NUP214: variants seen among roughly 807,000 people sequenced by gnomAD.
NUP214 encodes the protein nuclear pore complex protein Nup214.
Under a neutral mutation model 196.2 loss-of-function variants are expected in NUP214, and 79 were observed. The ratio of observed to expected loss-of-function variants is 0.40; its 90% CI spans 0.34 to 0.49. The LOEUF is 0.49. Among genes scored for constraint, NUP214 ranks in the 20% least tolerant of loss-of-function variants. NUP214 has a pLI of 0.58. For missense variants in NUP214, 2,468 were observed against 2,539.0 expected (o/e 0.97, Z 0.60); for synonymous variants, 1,020 against 990.5 (o/e 1.03, Z -0.56).
chr9:131,234,207 AGAAGAC>A lies in NUP214; in HGVS notation c.*721_*726del, dbSNP rs1463693656. The A allele has an allele frequency of 4.3e-6, 1 of 233,072 alleles. No individual in the cohort carries two copies. The highest frequency in any genetic ancestry group is 8.5e-6 in the Non-Finnish European group (1 of 118,054). The allele number at this position is 233,072 out of a possible 1,614,324, so 14.4% of individuals were successfully genotyped here. A position where few individuals can be genotyped will look rare whatever the true frequency, so the allele number is the denominator to read the frequency against. On this transcript the variant is annotated 3_prime_UTR_variant, in exon 36 of 36. Coordinates refer to ENST00000359428, the MANE Select transcript of NUP214 (RefSeq NM_005085.4). ...CAGAGAGGAGGGGGCCGGTCACTTG[AGAAGAC>A]AGCCTTTATATTCTGTATGTGGCAG...
At chr9:131,170,639 T>C (rs1021622631) in intron 21 of NUP214, among the ~76,000 whole-genome samples, 1 of 152,188 alleles carries the variant, frequency 6.6e-6, no homozygotes, top group South Asian at 2.1e-4. Flanking sequence ...AGAAATACCA[T>C]TGATTTATGT....
intron 16 of NUP214, among the ~76,000 whole-genome samples, chr9:131,151,211 T>TA (rs1202143011): frequency 6.6e-6 from 1 of 152,260 alleles, no homozygotes; most frequent in East Asian, 1.9e-4. Context: ...TATTACTACT[T>TA]ACTGTGTGCC....
At chr9:131,159,877 A>G (rs1052874072) in intron 18 of NUP214, among the ~76,000 whole-genome samples, 10 of 151,880 alleles carry the variant, frequency 6.6e-5, no homozygotes, top group Non-Finnish European at 7.4e-5. Flanking sequence ...AAAAACAAGA[A>G]AGAGAAAATC....
chr9:131,139,088 T>A (rs2274428), intron 9 of NUP214, among the ~76,000 whole-genome samples, 193 bp from the exon 10 acceptor site: 1 of 151,934 alleles, frequency 6.6e-6, no homozygotes, highest in Non-Finnish European at 1.5e-5. Context: ...TCCCATTTGC[T>A]GGGGTACTTC....
chr9:131,175,471 G>C lies in NUP214; in HGVS notation c.3169G>C (p.Ala1057Pro), dbSNP rs1833088526. ...TCTTTTCCTCTTAGTGGCTACATCTGCTAGCAAAATTATTCCTCAAGGGGC... is the reference window on the plus strand; with the variant it reads ...TCTTTTCCTCTTAGTGGCTACATCTCCTAGCAAAATTATTCCTCAAGGGGC... ...GVMGTSVATSASKIIPQGADS... is the reference protein window; with the variant it reads ...GVMGTSVATSPSKIIPQGADS... The change falls in exon 23 of 36, where the codon GCT becomes CCT. Residue 1057 changes from alanine (A) to proline (P), a missense_variant. By Grantham distance (27) the Ala-to-Pro change is conservative. Transcript: ENST00000359428. The C allele has an allele frequency of 6.2e-7, 1 of 1,613,924 alleles. No individual in the cohort carries two copies. Among genetic ancestry groups the C allele is most frequent in the African/African-American group, 1.3e-5 (1 of 74,896 alleles).
chr9:131,153,300 A>G (rs1213377008), intron 17 of NUP214: 2 of 151,876 alleles, frequency 1.3e-5, no homozygotes, highest in African/African-American at 2.4e-5. Flanking sequence ...TGAGGCCTCA[A>G]ACTTTATTGT....
Position 131,167,665 on chromosome 9 carries a change from G to A in NUP214, c.2893+3521G>A, listed in dbSNP as rs150746620. On this transcript the variant is annotated intron_variant, in intron 21 of 35. Coordinates refer to ENST00000359428, the MANE Select transcript of NUP214 (RefSeq NM_005085.4). ...GGTCTTTTTTCTTTTAACTATTCTG[G>A]TAGGACTCTTTTGTAAAATGTTTTA... Among the ~76,000 whole-genome samples the A allele has an allele frequency of 2.0e-5, 3 of 152,176 alleles. No individual in the cohort carries two copies. In the East Asian group the frequency reaches 5.8e-4, roughly 29 times the overall value.
Position 131,187,331 on chromosome 9 carries a change from G to A in NUP214, c.3462G>A (p.Val1154=), listed in dbSNP as rs1833479712. ...CCACAGCCAAAACACCTCACCCAGT[G>A]TTGACCCCAGTGGCTGCTAACCAAG... is the stretch of plus-strand genomic sequence containing the variant. ...PYSTAKTPHP[V]LTPVAANQAK... Residue 1154 remains valine, a synonymous_variant, in exon 25 of 36, where the codon GTG becomes GTA. Transcript: ENST00000359428. 2 of 1,609,420 alleles carry A rather than the reference G, an allele frequency of 1.2e-6. No homozygotes were observed. The highest frequency in any genetic ancestry group is 3.4e-5 in the Admixed American group (2 of 59,674).
chr9:131,144,208 C>T lies in NUP214; in HGVS notation c.1295-72C>T, dbSNP rs191638232. The T allele has an allele frequency of 3.5e-5, 42 of 1,208,162 alleles. No individual in the cohort carries two copies. In the East Asian group the frequency reaches 5.1e-4, roughly 15 times the overall value. 74.8% of individuals were successfully genotyped at this position (1,208,162 alleles called of 1,614,324 possible). A position where few individuals can be genotyped will look rare whatever the true frequency, so the allele number is the denominator to read the frequency against. ...CTTTATTCTACCACAAATTCTTTTT[C>T]ACTTGCTTTCTATTATGTGAACCTC... On this transcript the variant is annotated intron_variant, in intron 11 of 35. Transcript: ENST00000359428.
At chr9:131,134,839 C>T (rs1831669493) in intron 7 of NUP214, 59 bp from the exon 8 acceptor site, 1 of 995,098 alleles carries the variant, frequency 1.0e-6, no homozygotes, top group Non-Finnish European at 1.6e-6. Context: ...GATTCTTTTG[C>T]TGTGGGATCT....
chr9:131,133,181 C>T lies in NUP214; in HGVS notation c.803C>T (p.Ser268Phe), dbSNP rs757626774. Residue 268 changes from serine to phenylalanine, a missense_variant, in exon 7 of 36, where the codon TCT becomes TTT. Physicochemically the swap from Ser to Phe is radical, Grantham distance 155. Around this residue, in one of 5 missense-constraint regions of NUP214, gnomAD observed 392 missense variants for 417.9 expected, o/e 0.94. Coordinates refer to ENST00000359428, the MANE Select transcript of NUP214 (RefSeq NM_005085.4). ...GCTGCAGATGGGACCCTGGAAACGT[C>T]TCCAGATGTGGTGATGGCTCTACTA... The part of the protein sequence containing the change: ...YAAADGTLET[S>F]PDVVMALLPK... 6.3e-7 allele frequency: 1 copy of T among 1,591,602 alleles called. No individual in the cohort carries two copies. Among genetic ancestry groups the T allele is most frequent in the Non-Finnish European group, 8.5e-7 (1 of 1,172,636 alleles).
chr9:131,148,256 A>G (rs1449301399), intron 14 of NUP214, among the ~76,000 whole-genome samples: 3 of 152,184 alleles, frequency 2.0e-5, no homozygotes, highest in Admixed American at 2.0e-4. Flanking sequence ...TTTGTACAGT[A>G]TGTATTCTTG....
At chr9:131,213,596 A>T (rs538707437) in intron 30 of NUP214, among the ~76,000 whole-genome samples, 238 of 152,338 alleles carry the variant, frequency 1.6e-3, no homozygotes, top group Middle Eastern at 3.4e-3. Context: ...TCAGCTAAGC[A>T]GTCAAATACC....
At chr9:131,175,402 C>G in intron 22 of NUP214, 58 bp from the exon 23 acceptor site, 1 of 1,584,044 alleles carries the variant, frequency 6.3e-7, no homozygotes, top group African/African-American at 1.3e-5. Flanking sequence ...ACCAATTTAA[C>G]CTTTTGTATT....
chr9:131,133,127 G>T lies in NUP214; in HGVS notation c.749G>T (p.Gly250Val). ...PVRVLDVLWI[G>V]TYVFAIVYAA... Reference sequence around the variant, plus strand: ...TCAGTTCTGGATGTGCTGTGGATTGGTACCTACGTCTTCGCCATAGTGTAT... The same window carrying T: ...TCAGTTCTGGATGTGCTGTGGATTGTTACCTACGTCTTCGCCATAGTGTAT... The change falls in exon 7 of 36, where the codon GGT becomes GTT. Residue 250 changes from glycine (G) to valine (V), a missense_variant. Transcript: ENST00000359428. The T allele has an allele frequency of 6.2e-7, 1 of 1,611,334 alleles. No individual in the cohort carries two copies. Among genetic ancestry groups the T allele is most frequent in the Non-Finnish European group, 8.5e-7 (1 of 1,179,094 alleles).
intron 24 of NUP214, 21 bp downstream of exon 24, chr9:131,178,431 G>A (rs770386793): frequency 6.4e-7 from 1 of 1,565,230 alleles, no homozygotes; most frequent in Non-Finnish European, 8.8e-7. Context: ...ACTGCAGTGT[G>A]TTTCAGCCCC....
At chr9:131,193,629 C>CTTGTTTTTTTT (rs1833678099) in intron 27 of NUP214, among the ~76,000 whole-genome samples, 1 of 28,218 alleles carries the variant, frequency 3.5e-5, no homozygotes, top group Non-Finnish European at 6.5e-5. Flanking sequence ...TCTTCCTTTT[C>CTTGTTTTTTTT]TTTTTTTTTT....
chr9:131,132,835 C>A, intron 6 of NUP214, 176 bp downstream of exon 6: 1 of 634,358 alleles, frequency 1.6e-6, no homozygotes, highest in East Asian at 2.7e-5. Flanking sequence ...TGGGTGACAT[C>A]TGTGTTTCAC....
chr9:131,208,322 AC>A lies in NUP214; in HGVS notation c.5592+6608del, dbSNP rs1834139766. Among the ~76,000 whole-genome samples, 6 of 152,248 alleles carry A rather than the reference AC, an allele frequency of 3.9e-5. 1 individual carries two copies. In the South Asian group the frequency reaches 1.0e-3, roughly 26 times the overall value. ...TCACAGTAGCCAAAAGGTGGAAACAACCCAAGTGTCAAACAGCAGATGAATG... is the reference window on the plus strand; with the variant it reads ...TCACAGTAGCCAAAAGGTGGAAACAACCAAGTGTCAAACAGCAGATGAATG... On this transcript the variant is annotated intron_variant, in intron 30 of 35. Coordinates refer to ENST00000359428, the MANE Select transcript of NUP214 (RefSeq NM_005085.4).
Sources: allele counts gnomAD v4.1 joint callset (sites outside exome capture counted in the v4.1 genomes callset), GRCh38; gene constraint gnomAD v4.1.1; regional missense constraint gnomAD v4.1.1; transcripts MANE v1.5; gene names NCBI Gene and HGNC (gene_info 2026-07-23, HGNC 2026-07-21).